Variants in TOM1L2 observed in about 807,000 individuals in gnomAD.
TOM1L2 encodes the protein target of myb1 like 2 membrane trafficking protein.
A neutral mutation model predicts 67.9 loss-of-function variants in TOM1L2; 31 were observed. The ratio of observed to expected loss-of-function variants is 0.46; its 90% confidence interval spans 0.34 to 0.62. The LOEUF is 0.62. Ranked by LOEUF, TOM1L2 falls within the 20% of genes least tolerant of loss-of-function variation. The pLI is 0.01. For missense variants in TOM1L2, 606 were observed against 663.5 expected (o/e 0.91, Z 0.95); for synonymous variants, 256 against 254.0 (o/e 1.01, Z -0.07).
chr17:17,879,120 T>C (rs1028345929), intron 7 of TOM1L2, among the ~76,000 whole-genome samples: 9 of 152,172 alleles, frequency 5.9e-5, no homozygotes, highest in Admixed American at 4.6e-4. Context: ...ACACTTCATC[T>C]CAGTCTCAGG....
intron 4 of TOM1L2, among the ~76,000 whole-genome samples, chr17:17,885,924 CAAAAAA>C (rs35579807): frequency 7.5e-5 from 5 of 66,244 alleles, no homozygotes; most frequent in African/African-American, 1.1e-4. Flanking sequence ...GACTCCGTCT[CAAAAAA>C]AAAAAAAAAA....
At chr17:17,921,484 T>C (rs1300237599) in intron 1 of TOM1L2, among the ~76,000 whole-genome samples, 4 of 151,890 alleles carry the variant, frequency 2.6e-5, no homozygotes, top group Non-Finnish European at 5.9e-5. Flanking sequence ...TGAGTCAGTG[T>C]GTGAGAGTAG....
chr17:17,853,028 CT>C (rs1457169122), intron 12 of TOM1L2, among the ~76,000 whole-genome samples: 1 of 152,176 alleles, frequency 6.6e-6, no homozygotes, highest in Non-Finnish European at 1.5e-5. Flanking sequence ...AAGGCTGGCA[CT>C]TCCTTGCCCT....
chr17:17,890,720 CG>C (rs1283455327), intron 4 of TOM1L2, among the ~76,000 whole-genome samples: 2 of 152,048 alleles, frequency 1.3e-5, no homozygotes, highest in Admixed American at 1.3e-4. Flanking sequence ...AGTGGTCATC[CG>C]GAAGGTGGGA....
At chr17:17,890,044 A>T (rs2038195110) in intron 4 of TOM1L2, among the ~76,000 whole-genome samples, 2 of 152,124 alleles carry the variant, frequency 1.3e-5, no homozygotes, top group Non-Finnish European at 2.9e-5. Flanking sequence ...TTCTTGTCTC[A>T]TGGTGGGAGC....
At chr17:17,956,882 C>T (rs982115338) in intron 1 of TOM1L2, among the ~76,000 whole-genome samples, 3 of 152,194 alleles carry the variant, frequency 2.0e-5, no homozygotes, top group Non-Finnish European at 2.9e-5. Context: ...CTGAGGGAGG[C>T]GGCTCCGGCC....
intron 1 of TOM1L2, among the ~76,000 whole-genome samples, chr17:17,956,115 C>G (rs2041434145): frequency 6.6e-6 from 1 of 152,194 alleles, no homozygotes; most frequent in South Asian, 2.1e-4. Context: ...CGAAAAAGGA[C>G]CCAAGTGGGT....
At chr17:17,920,505 A>G (rs909369352) in intron 1 of TOM1L2, among the ~76,000 whole-genome samples, 3 of 151,218 alleles carry the variant, frequency 2.0e-5, no homozygotes, top group African/African-American at 7.3e-5. Context: ...CACACCAGCT[A>G]ATTTGTGTAT....
At chr17:17,952,556 TAA>T (rs2041257836) in intron 1 of TOM1L2, among the ~76,000 whole-genome samples, 3 of 151,870 alleles carry the variant, frequency 2.0e-5, no homozygotes, top group African/African-American at 7.3e-5. Context: ...CACGCCTGGC[TAA>T]GTTTTTAAAT....
chr17:17,933,358 C>T (rs2040405734), intron 1 of TOM1L2, among the ~76,000 whole-genome samples: 1 of 152,194 alleles, frequency 6.6e-6, no homozygotes, highest in Non-Finnish European at 1.5e-5. Context: ...ATACAGTCAC[C>T]CCTAGCTGCA....
intron 3 of TOM1L2, among the ~76,000 whole-genome samples, chr17:17,897,702 T>C (rs558132916): frequency 4.7e-4 from 72 of 152,312 alleles, no homozygotes; most frequent in Non-Finnish European, 8.8e-4. Flanking sequence ...TTTTACCCCA[T>C]GCAAAAGACC....
At chr17:17,947,977 T>C (rs1369494457) in intron 1 of TOM1L2, among the ~76,000 whole-genome samples, 1 of 152,210 alleles carries the variant, frequency 6.6e-6, no homozygotes, top group Non-Finnish European at 1.5e-5. Context: ...ATTTCAGAAA[T>C]ACTTTTGATG....
intron 1 of TOM1L2, among the ~76,000 whole-genome samples, chr17:17,949,449 T>TA (rs1057307341): frequency 3.5e-4 from 54 of 152,220 alleles, no homozygotes; most frequent in African/African-American, 1.3e-3. Context: ...TTCCAGCAGC[T>TA]AGAGTCTTAC....
intron 1 of TOM1L2, among the ~76,000 whole-genome samples, chr17:17,951,951 T>C (rs2041223560): frequency 6.6e-6 from 1 of 152,212 alleles, no homozygotes; most frequent in East Asian, 1.9e-4. Context: ...AGAGGGCAAT[T>C]TGGCAGTCTC....
Position 17,866,916 on chromosome 17 carries a change from C to A in TOM1L2, c.920G>T (p.Arg307Leu), listed in dbSNP as rs770717113. 2 of 1,613,994 alleles carry A rather than the reference C, an allele frequency of 1.2e-6. No individual in the cohort carries two copies. The highest frequency in any genetic ancestry group is 1.7e-5 in the Admixed American group (1 of 60,020). Residue 307 changes from arginine (R) to leucine (L), a missense_variant, in exon 9 of 15, where the codon CGA becomes CTA. By Grantham distance (102) the Arg-to-Leu change is moderately radical. Transcript: ENST00000379504. ...TTGAACGGATCGGCCAGACCTGTAT[C>A]GTTCGAACCTAACAGGGGAAGGGAA... ...NVFLRYERFE[R>L]YRSGRSVQNA... is the part of the protein sequence containing the mutation.
intron 3 of TOM1L2, among the ~76,000 whole-genome samples, chr17:17,895,460 C>T (rs118075439): frequency 2.2e-3 from 338 of 152,290 alleles, no homozygotes; most frequent in Non-Finnish European, 4.0e-3. Context: ...TGACTGAATG[C>T]GACTATATGC....
rs1350001855 is a variant in TOM1L2 at position 17,972,377 on chromosome 17, C to T, written c.-64G>A. ...TGCCACCTAGGCCTCCGCTGTAACC[C>T]GCCGGACTCCCGTCCTGACTGACAC... On this transcript the variant is annotated 5_prime_UTR_variant, in exon 1 of 15. Coordinates refer to ENST00000379504, the MANE Select transcript of TOM1L2 (RefSeq NM_001082968.2). The T allele has an allele frequency of 5.2e-6, 8 of 1,545,232 alleles. No homozygotes were observed. The highest frequency in any genetic ancestry group is 2.0e-5 in the Admixed American group (1 of 50,910).
rs2037796088 is a variant in TOM1L2, at chr17:17,882,790, T to C, written c.575A>G (p.Tyr192Cys). ...QSQQRTSAGS[Y>C]SSPPPAPYSA... ...GTAGGGAGCAGGAGGCGGCGAGGAATAGGAACCAGCACTTGTCCTCTGCTG... is the reference window on the plus strand; with the variant it reads ...GTAGGGAGCAGGAGGCGGCGAGGAACAGGAACCAGCACTTGTCCTCTGCTG... Residue 192 changes from tyrosine to cysteine, a missense_variant, in exon 6 of 15, where the codon TAT becomes TGT. Around this residue, in one of 2 missense-constraint regions of TOM1L2, gnomAD observed 543 missense variants for 554.0 expected, o/e 0.98. Coordinates refer to ENST00000379504, the MANE Select transcript of TOM1L2 (RefSeq NM_001082968.2). 6.8e-6 allele frequency: 11 copies of C among 1,614,002 alleles called. No homozygotes were observed. Among genetic ancestry groups the C allele is most frequent in the Non-Finnish European group, 9.3e-6 (11 of 1,180,002 alleles).
intron 1 of TOM1L2, among the ~76,000 whole-genome samples, chr17:17,969,951 C>T (rs550123412): frequency 1.3e-5 from 2 of 152,052 alleles, no homozygotes; most frequent in Non-Finnish European, 1.5e-5. Context: ...GAAATGGGGG[C>T]CAGGTCAAAA....
Sources: allele counts gnomAD v4.1 joint callset (sites outside exome capture counted in the v4.1 genomes callset), GRCh38; gene constraint gnomAD v4.1.1; regional missense constraint gnomAD v4.1.1; transcripts MANE v1.5; gene names NCBI Gene and HGNC (gene_info 2026-07-23, HGNC 2026-07-21).